The following IL16 variants were observed in gnomAD, a reference collection of about 807,000 sequenced individuals.
IL16 encodes the protein interleukin 16.
In IL16, 67 loss-of-function variants were observed where a neutral mutation model predicts 110.1. The observed-to-expected ratio is 0.61, with a 90% CI of 0.50 to 0.75. The LOEUF is 0.75. Among genes scored for constraint, IL16 ranks in the 30% least tolerant of loss-of-function variants. The pLI is 0.00. For synonymous variants in IL16, 689 were observed against 662.9 expected (o/e 1.04, Z -0.61); for missense variants, 1,545 against 1,655.0 (o/e 0.93, Z 1.15).
rs1259521891 is a variant in IL16 at position 81,266,513 on chromosome 15, C to T, written c.564+712C>T. On this transcript the variant is annotated intron_variant, in intron 4 of 18. Coordinates refer to ENST00000683961, the MANE Select transcript of IL16 (RefSeq NM_172217.5). Reference sequence around the variant, plus strand: ...GGCAGAGAGCTAAGCAGATATAAAGCACAGTGTACCCTACACACGTCCCAC... The same window carrying T: ...GGCAGAGAGCTAAGCAGATATAAAGTACAGTGTACCCTACACACGTCCCAC... 2.0e-5 allele frequency among the ~76,000 whole-genome samples: 3 copies of T among 152,164 alleles called. No homozygotes were observed. The East Asian group carries it at 5.8e-4, about 29-fold the overall frequency.
intron 3 of IL16, among the ~76,000 whole-genome samples, chr15:81,261,011 C>T (rs1898131149): frequency 6.6e-6 from 1 of 152,020 alleles, no homozygotes; most frequent in Admixed American, 6.6e-5. Flanking sequence ...CCTATTTCTT[C>T]AATCATAGCT....
intron 4 of IL16, 109 bp from the exon 5 acceptor site, chr15:81,269,429 G>T: frequency 1.3e-6 from 1 of 748,682 alleles, no homozygotes; most frequent in South Asian, 1.6e-5. Context: ...GCCCTTAGGA[G>T]AAAGAGGACT....
intron 5 of IL16, among the ~76,000 whole-genome samples, chr15:81,272,189 C>A (rs1898671263): frequency 6.6e-6 from 1 of 152,250 alleles, no homozygotes; most frequent in African/African-American, 2.4e-5. Context: ...GCTTATTAGA[C>A]TCAAGCTATG....
chr15:81,233,872 A>C (rs1278576276), intron 2 of IL16, among the ~76,000 whole-genome samples: 1 of 152,036 alleles, frequency 6.6e-6, no homozygotes, highest in Non-Finnish European at 1.5e-5. Context: ...TGAAAGAAGC[A>C]TGTTAAAGCC....
At position 81,199,030 on chromosome 15, in the gene IL16, A is replaced by AATATAT. The variant is rs60097662; in HGVS notation, c.-102+1904_-102+1909dup. ...GGGAGACTCCATCTCAAAAAAAAAA[A>AATATAT]ATATATATATATATATATATATATA... On this transcript the variant is annotated intron_variant, in intron 1 of 18. Coordinates refer to ENST00000683961, the MANE Select transcript of IL16 (RefSeq NM_172217.5). Among the ~76,000 whole-genome samples, 189 of 104,112 alleles carry AATATAT rather than the reference A, an allele frequency of 1.8e-3. 1 individual carries two copies. Among genetic ancestry groups the AATATAT allele is most frequent in the African/African-American group, 2.4e-3 (47 of 19,370 alleles). 68.3% of individuals were successfully genotyped at this position (104,112 alleles called of 152,430 possible).
chr15:81,224,238 A>C (rs2142033903), intron 1 of IL16, among the ~76,000 whole-genome samples: 1 of 152,358 alleles, frequency 6.6e-6, no homozygotes, highest in East Asian at 1.9e-4. Flanking sequence ...GGTCTCTGCT[A>C]TTCCTTATTC....
intron 1 of IL16, among the ~76,000 whole-genome samples, chr15:81,200,667 A>G (rs935812062): frequency 3.9e-5 from 6 of 152,216 alleles, no homozygotes; most frequent in African/African-American, 1.4e-4. Flanking sequence ...CACCATGCCT[A>G]GCCTAGGTCA....
chr15:81,253,678 G>A (rs1431563661), intron 2 of IL16, among the ~76,000 whole-genome samples: 1 of 152,146 alleles, frequency 6.6e-6, no homozygotes, highest in Admixed American at 6.5e-5. Context: ...TTTTGCATGT[G>A]AATATCTGGT....
At chr15:81,210,802 ACTT>A (rs1302314125) in intron 1 of IL16, among the ~76,000 whole-genome samples, 3 of 152,186 alleles carry the variant, frequency 2.0e-5, no homozygotes, top group East Asian at 3.9e-4. Context: ...AGATAGTTTG[ACTT>A]CTTCTTTTCC....
intron 2 of IL16, among the ~76,000 whole-genome samples, chr15:81,242,313 C>T (rs1043345199): frequency 1.3e-5 from 2 of 152,140 alleles, no homozygotes; most frequent in Non-Finnish European, 1.5e-5. Context: ...GTTAAACCAG[C>T]ATATCAGTTT....
At chr15:81,245,673 G>C (rs556805163) in intron 2 of IL16, among the ~76,000 whole-genome samples, 10 of 145,860 alleles carry the variant, frequency 6.9e-5, no homozygotes, top group Non-Finnish European at 1.3e-4. Flanking sequence ...CTGTCTCGCT[G>C]AACAGTCCCT....
At chr15:81,277,343 C>A (rs1175143087) in intron 6 of IL16, among the ~76,000 whole-genome samples, 1 of 152,128 alleles carries the variant, frequency 6.6e-6, no homozygotes, top group Non-Finnish European at 1.5e-5. Context: ...TGACTTAAGG[C>A]ATGATATTTC....
At chr15:81,216,897 T>C (rs1896453969) in intron 1 of IL16, among the ~76,000 whole-genome samples, 1 of 152,150 alleles carries the variant, frequency 6.6e-6, no homozygotes, top group Admixed American at 6.5e-5. Context: ...AGTAAATTGT[T>C]GGAGTGGGAT....
chr15:81,237,220 C>G (rs1307166460), intron 2 of IL16, among the ~76,000 whole-genome samples: 2 of 152,260 alleles, frequency 1.3e-5, no homozygotes, highest in African/African-American at 4.8e-5. Context: ...TAAATCTTTT[C>G]CTGATCCTCC....
At chr15:81,245,843 G>A (rs1397927861) in intron 2 of IL16, among the ~76,000 whole-genome samples, 3 of 147,988 alleles carry the variant, frequency 2.0e-5, no homozygotes, top group South Asian at 4.2e-4. Flanking sequence ...CATTCCTTGG[G>A]TACCAAGGTT....
chr15:81,299,960 T>A lies in IL16; in HGVS notation c.2634T>A (p.His878Gln), dbSNP rs771236502. The A allele has an allele frequency of 3.7e-6, 6 of 1,609,558 alleles. No homozygotes were observed. Among genetic ancestry groups the A allele is most frequent in the Non-Finnish European group, 5.1e-6 (6 of 1,177,874 alleles). The change falls in exon 14 of 19, where the codon CAT becomes CAA. Residue 878 changes from histidine (H) to glutamine (Q), a missense_variant. Around this residue, in one of 3 missense-constraint regions of IL16, gnomAD observed 1,185 missense variants for 1,238.8 expected, o/e 0.96. Transcript: ENST00000683961. ...AGGCAGCAAAACCTCTTGGGAAGCA[T>A]GAGGAAGGACGGTTTTCTGGACTCT... The part of the protein sequence containing the change: ...SGEAAKPLGK[H>Q]EEGRFSGLLG...
In IL16 at chr15:81,301,479, G is replaced by A; in HGVS notation, c.3285G>A (p.Glu1095=). ...CAGAAGAATTAAAAAAACTCATCGA[G>A]GAGGTGAAGGTTCTGGATGAAGCAA... ...LSSEELKKLI[E]EVKVLDEATL... The change falls in exon 15 of 19, where the codon GAG becomes GAA. Residue 1095 remains glutamate (E), a synonymous_variant. Coordinates refer to ENST00000683961, the MANE Select transcript of IL16 (RefSeq NM_172217.5). 1.9e-6 allele frequency: 3 copies of A among 1,614,062 alleles called. No individual in the cohort carries two copies. The highest frequency in any genetic ancestry group is 2.2e-5 in the South Asian group (2 of 91,066).
intron 3 of IL16, among the ~76,000 whole-genome samples, chr15:81,263,896 C>G (rs759601661): frequency 6.6e-6 from 1 of 152,178 alleles, no homozygotes; most frequent in Admixed American, 6.5e-5. Flanking sequence ...GATCCGGAAC[C>G]CTCTGGGCTT....
intron 15 of IL16, 64 bp downstream of exon 15, chr15:81,301,576 G>A: frequency 6.8e-7 from 1 of 1,477,268 alleles, no homozygotes; most frequent in South Asian, 1.2e-5. Flanking sequence ...GGCCACCTTA[G>A]TTGGGCCAGA....
Sources: gnomAD v4.1 joint callset for allele counts (sites outside exome capture counted in the v4.1 genomes callset) on GRCh38, gnomAD v4.1.1 for gene constraint, gnomAD v4.1.1 regional missense constraint, MANE v1.5 for transcripts, NCBI Gene and HGNC (gene_info 2026-07-23, HGNC 2026-07-21) for gene names.